The following ZFPM2 variants were observed in gnomAD, a reference collection of about 807,000 sequenced individuals.
ZFPM2 encodes zinc finger protein, FOG family member 2, also known as zinc finger protein ZFPM2.
Under a neutral mutation model 98.6 loss-of-function variants are expected in ZFPM2, and 20 were observed. That is an observed-to-expected ratio of 0.20 (90% CI 0.14 to 0.29). The LOEUF (loss-of-function observed/expected upper bound fraction) is 0.29, where lower values mean the gene tolerates loss of function less well. Among genes scored for constraint, ZFPM2 ranks in the 10% least tolerant of loss-of-function variants. The probability of loss-of-function intolerance (pLI) is 1.00; values close to 1 mark genes in which losing one functional copy is unlikely to be tolerated. For missense variants in ZFPM2, 1,310 were observed against 1,388.6 expected (o/e 0.94, Z 0.90); for synonymous variants, 518 against 502.7 (o/e 1.03, Z -0.41).
At chr8:105,794,340 C>G (rs940180970) in intron 6 of ZFPM2, among the ~76,000 whole-genome samples, 2 of 152,178 alleles carry the variant, frequency 1.3e-5, no homozygotes, top group African/African-American at 4.8e-5. Flanking sequence ...TGCTAGAGGT[C>G]CACTCCAGAT....
intron 5 of ZFPM2, among the ~76,000 whole-genome samples, chr8:105,667,762 C>A (rs1178223883): frequency 6.6e-6 from 1 of 152,060 alleles, no homozygotes; most frequent in Non-Finnish European, 1.5e-5. Context: ...AATACAGTGC[C>A]AATTCTCACT....
intron 4 of ZFPM2, among the ~76,000 whole-genome samples, chr8:105,614,748 C>T (rs1816378709): frequency 6.6e-6 from 1 of 152,050 alleles, no homozygotes; most frequent in Non-Finnish European, 1.5e-5. Context: ...TCTCCTTCCC[C>T]CCAAATCTTT....
intron 1 of ZFPM2, among the ~76,000 whole-genome samples, chr8:105,357,136 G>A (rs1586313783): frequency 1.3e-5 from 2 of 152,026 alleles, no homozygotes; most frequent in South Asian, 2.1e-4. Context: ...GCACACACAC[G>A]TGAGTCCCTG....
intron 2 of ZFPM2, among the ~76,000 whole-genome samples, chr8:105,442,189 A>T (rs2130200472): frequency 6.6e-6 from 1 of 151,534 alleles, no homozygotes; most frequent in African/African-American, 2.4e-5. Context: ...AAAAAAAAAA[A>T]AAAAATTAGC....
chr8:105,352,208 G>T (rs1036354808), intron 1 of ZFPM2, among the ~76,000 whole-genome samples: 4 of 152,148 alleles, frequency 2.6e-5, no homozygotes, highest in Admixed American at 2.6e-4. Context: ...TTTGCACATT[G>T]TTGGATGGTT....
chr8:105,709,122 A>G (rs1811325090), intron 5 of ZFPM2, among the ~76,000 whole-genome samples: 1 of 152,144 alleles, frequency 6.6e-6, no homozygotes, highest in South Asian at 2.1e-4. Context: ...GCCTTTTGAT[A>G]GTGTGTATTA....
At chr8:105,527,317 T>C (rs913688339) in intron 3 of ZFPM2, among the ~76,000 whole-genome samples, 1 of 152,132 alleles carries the variant, frequency 6.6e-6, no homozygotes, top group Non-Finnish European at 1.5e-5. Flanking sequence ...TGGAAATTGG[T>C]TGGAGAAAAG....
intron 4 of ZFPM2, among the ~76,000 whole-genome samples, chr8:105,593,085 G>A (rs753096274): frequency 2.0e-5 from 3 of 152,142 alleles, no homozygotes; most frequent in African/African-American, 7.2e-5. Flanking sequence ...AGAAAGATAA[G>A]AGCTTTCTGT....
chr8:105,426,091 G>A (rs1250281836), intron 2 of ZFPM2, among the ~76,000 whole-genome samples: 1 of 151,944 alleles, frequency 6.6e-6, no homozygotes, highest in Admixed American at 6.6e-5. Context: ...TTGAGTAACT[G>A]GAATCAGAAA....
chr8:105,709,969 A>G (rs1285681191), intron 5 of ZFPM2, among the ~76,000 whole-genome samples: 1 of 152,104 alleles, frequency 6.6e-6, no homozygotes, highest in Admixed American at 6.6e-5. Context: ...AACTGGGGAC[A>G]TTATTTTTTT....
chr8:105,664,715 G>T (rs1299304971), intron 5 of ZFPM2, among the ~76,000 whole-genome samples: 2 of 151,974 alleles, frequency 1.3e-5, no homozygotes, highest in African/African-American at 4.8e-5. Flanking sequence ...TTTATTTTTG[G>T]CATAAAATAC....
At chr8:105,640,055 C>T (rs1160239942) in intron 5 of ZFPM2, among the ~76,000 whole-genome samples, 2 of 151,926 alleles carry the variant, frequency 1.3e-5, no homozygotes, top group Admixed American at 6.6e-5. Context: ...AATCACTTTA[C>T]GTACATTTTC....
chr8:105,508,187 C>T (rs1350340948), intron 3 of ZFPM2, among the ~76,000 whole-genome samples: 2 of 152,116 alleles, frequency 1.3e-5, no homozygotes, highest in Non-Finnish European at 2.9e-5. Context: ...TTTACAGCAG[C>T]AAAATCCCAT....
chr8:105,434,274 A>G (rs2130159154), intron 2 of ZFPM2, among the ~76,000 whole-genome samples: 1 of 152,232 alleles, frequency 6.6e-6, no homozygotes, highest in Admixed American at 6.5e-5. Flanking sequence ...CGTGTCTATA[A>G]TTTGGTAACA....
chr8:105,430,219 TGTAGGTGG>T (rs1811993830), intron 2 of ZFPM2, among the ~76,000 whole-genome samples: 1 of 152,158 alleles, frequency 6.6e-6, no homozygotes, highest in African/African-American at 2.4e-5. Context: ...CACCTAATTT[TGTAGGTGG>T]GACTTTGAAT....
intron 4 of ZFPM2, among the ~76,000 whole-genome samples, chr8:105,614,355 C>G (rs111623613): frequency 1.3e-5 from 2 of 152,130 alleles, no homozygotes; most frequent in African/African-American, 4.8e-5. Context: ...AATACTGATT[C>G]ATCAGTTATG....
intron 5 of ZFPM2, among the ~76,000 whole-genome samples, chr8:105,705,064 T>C (rs988004983): frequency 5.9e-5 from 9 of 152,176 alleles, no homozygotes; most frequent in Non-Finnish European, 1.3e-4. Flanking sequence ...GATTATGTTT[T>C]AATCATGATG....
intron 3 of ZFPM2, among the ~76,000 whole-genome samples, chr8:105,493,748 C>T (rs1256530178): frequency 6.6e-6 from 1 of 152,178 alleles, no homozygotes; most frequent in Non-Finnish European, 1.5e-5. Flanking sequence ...AATCTGTCCA[C>T]TGACATATCT....
chr8:105,568,485 T>C (rs548684012), intron 4 of ZFPM2, among the ~76,000 whole-genome samples: 1 of 152,282 alleles, frequency 6.6e-6, no homozygotes, highest in Non-Finnish European at 1.5e-5. Flanking sequence ...CTGTAACTAC[T>C]ACCATCTCTT....
Sources: allele counts gnomAD v4.1 joint callset (sites outside exome capture counted in the v4.1 genomes callset), GRCh38; gene constraint gnomAD v4.1.1; transcripts MANE v1.5; gene names NCBI Gene and HGNC (gene_info 2026-07-23, HGNC 2026-07-21).